Variants in EXOC4 observed in about 807,000 individuals in gnomAD.
EXOC4 encodes exocyst complex component 4.
EXOC4 carries 71 observed loss-of-function variants against 107.2 expected under a neutral mutation model. That is an observed-to-expected ratio of 0.66 (90% CI 0.55 to 0.81). The LOEUF (loss-of-function observed/expected upper bound fraction) is 0.81, where lower values mean the gene tolerates loss of function less well. Ranked by LOEUF, EXOC4 falls within the 30% of genes least tolerant of loss-of-function variation. The probability of loss-of-function intolerance (pLI) is 0.00; values close to 1 mark genes in which losing one functional copy is unlikely to be tolerated. For missense variants in EXOC4, 1,108 were observed against 1,189.6 expected (o/e 0.93, Z 1.01); for synonymous variants, 456 against 441.2 (o/e 1.03, Z -0.42).
intron 9 of EXOC4, among the ~76,000 whole-genome samples, chr7:133,601,437 C>T (rs553429898): frequency 3.1e-4 from 47 of 151,956 alleles, no homozygotes; most frequent in South Asian, 2.7e-3. Flanking sequence ...TAGTTCATTC[C>T]CTTCAATTCT....
intron 9 of EXOC4, among the ~76,000 whole-genome samples, chr7:133,493,187 G>A (rs1195108969): frequency 6.6e-6 from 1 of 152,172 alleles, no homozygotes; most frequent in Non-Finnish European, 1.5e-5. Flanking sequence ...CACTTTGGGA[G>A]GCCGAGGTGG....
intron 10 of EXOC4, among the ~76,000 whole-genome samples, chr7:133,673,497 C>G (rs1475860830): frequency 2.0e-5 from 3 of 152,102 alleles, no homozygotes; most frequent in African/African-American, 7.2e-5. Flanking sequence ...TGCCCTGATT[C>G]AGAGTCTTTC....
At chr7:133,945,160 G>A (rs1238481899) in intron 14 of EXOC4, among the ~76,000 whole-genome samples, 1 of 152,138 alleles carries the variant, frequency 6.6e-6, no homozygotes, top group Non-Finnish European at 1.5e-5. Flanking sequence ...TGGGCAACAG[G>A]CTACACCCCA....
chr7:133,992,174 T>G (rs1168872268), intron 14 of EXOC4, among the ~76,000 whole-genome samples: 2 of 152,224 alleles, frequency 1.3e-5, no homozygotes, highest in Non-Finnish European at 2.9e-5. Context: ...TCTTTTACTT[T>G]GATTAAATTT....
intron 17 of EXOC4, among the ~76,000 whole-genome samples, chr7:134,016,151 T>G (rs1212423908): frequency 1.3e-5 from 2 of 151,826 alleles, no homozygotes; most frequent in African/African-American, 4.8e-5. Flanking sequence ...TCATCAGTGG[T>G]TGTGGTGAGT....
intron 7 of EXOC4, among the ~76,000 whole-genome samples, chr7:133,393,928 C>T (rs1027470894): frequency 5.9e-5 from 9 of 152,156 alleles, no homozygotes; most frequent in East Asian, 5.8e-4. Flanking sequence ...CATAAAGCTA[C>T]GAAGGTTTGC....
intron 11 of EXOC4, among the ~76,000 whole-genome samples, chr7:133,846,401 G>A (rs965588725): frequency 6.6e-6 from 1 of 152,152 alleles, no homozygotes; most frequent in African/African-American, 2.4e-5. Context: ...ACTGAGCTGT[G>A]TGTGGGTGGC....
At chr7:133,445,679 A>G (rs1485766927) in intron 7 of EXOC4, among the ~76,000 whole-genome samples, 3 of 152,176 alleles carry the variant, frequency 2.0e-5, no homozygotes, top group Admixed American at 6.6e-5. Flanking sequence ...TCTAATGTGC[A>G]GCAGTAGCTG....
intron 14 of EXOC4, among the ~76,000 whole-genome samples, chr7:133,949,290 C>T (rs1276713123): frequency 6.6e-6 from 1 of 152,148 alleles, no homozygotes; most frequent in Non-Finnish European, 1.5e-5. Flanking sequence ...GTATAGGTCT[C>T]TAAGGCACAG....
At chr7:133,491,504 A>G (rs940605705) in intron 9 of EXOC4, among the ~76,000 whole-genome samples, 1 of 152,162 alleles carries the variant, frequency 6.6e-6, no homozygotes, top group African/African-American at 2.4e-5. Flanking sequence ...TAGGCAAGGC[A>G]CTTTACTTTT....
chr7:133,430,363 A>G (rs574190906), intron 7 of EXOC4, among the ~76,000 whole-genome samples: 12 of 152,166 alleles, frequency 7.9e-5, no homozygotes, highest in South Asian at 4.2e-4. Context: ...TTGAGCGGGA[A>G]AACGGGATAA....
At chr7:133,641,779 A>G (rs1802861776) in intron 10 of EXOC4, among the ~76,000 whole-genome samples, 1 of 152,236 alleles carries the variant, frequency 6.6e-6, no homozygotes, top group Admixed American at 6.5e-5. Flanking sequence ...TAAGAATAGT[A>G]AAGAAAATTG....
At chr7:133,788,412 C>A (rs1341430094) in intron 10 of EXOC4, among the ~76,000 whole-genome samples, 1 of 151,954 alleles carries the variant, frequency 6.6e-6, no homozygotes, top group Non-Finnish European at 1.5e-5. Flanking sequence ...AAAACTACTC[C>A]TCCTATTGTC....
intron 10 of EXOC4, among the ~76,000 whole-genome samples, chr7:133,685,594 A>G (rs184062945): frequency 3.3e-4 from 50 of 152,350 alleles, no homozygotes; most frequent in African/African-American, 1.1e-3. Context: ...AGAATATCAA[A>G]TGTCTATGTT....
chr7:133,722,395 G>A (rs1289917653), intron 10 of EXOC4, among the ~76,000 whole-genome samples: 1 of 152,162 alleles, frequency 6.6e-6, no homozygotes, highest in Non-Finnish European at 1.5e-5. Flanking sequence ...GGAGAAAATA[G>A]TTAATGTCTT....
At chr7:133,473,022 G>A (rs925509763) in intron 7 of EXOC4, among the ~76,000 whole-genome samples, 3 of 152,190 alleles carry the variant, frequency 2.0e-5, no homozygotes, top group Non-Finnish European at 4.4e-5. Context: ...ACATCACTCT[G>A]TCATGTTGAT....
intron 5 of EXOC4, among the ~76,000 whole-genome samples, chr7:133,355,396 C>CA (rs1395667614): frequency 6.6e-6 from 1 of 152,040 alleles, no homozygotes; most frequent in Non-Finnish European, 1.5e-5. Flanking sequence ...ACTTTTAAGT[C>CA]AGAGATTTGT....
intron 10 of EXOC4, among the ~76,000 whole-genome samples, chr7:133,728,694 A>C (rs539189265): frequency 6.6e-6 from 1 of 152,266 alleles, no homozygotes; most frequent in Admixed American, 6.5e-5. Context: ...ACCCCATTTC[A>C]TTATTAGTTG....
chr7:133,265,309 T>A (rs924338459), intron 1 of EXOC4, among the ~76,000 whole-genome samples: 1 of 152,012 alleles, frequency 6.6e-6, no homozygotes, highest in African/African-American at 2.4e-5. Flanking sequence ...CCCTTCTCTA[T>A]CTAGTACTCT....
Sources: allele counts gnomAD v4.1 joint callset (sites outside exome capture counted in the v4.1 genomes callset), GRCh38; gene constraint gnomAD v4.1.1; transcripts MANE v1.5; gene names NCBI Gene and HGNC (gene_info 2026-07-23, HGNC 2026-07-21).